The following RNF169 variants were observed in gnomAD, a reference collection of about 807,000 sequenced individuals.
The protein encoded by RNF169 is E3 ubiquitin-protein ligase RNF169.
In RNF169, 24 loss-of-function variants were observed where a neutral mutation model predicts 53.9. That is an observed-to-expected ratio of 0.45 (90% CI 0.32 to 0.63). RNF169 has a LOEUF of 0.63. RNF169 is among the 20% of genes least tolerant of loss of function. RNF169 has a pLI of 0.04. For synonymous variants in RNF169, 396 were observed against 363.5 expected, an observed-to-expected ratio of 1.09 and a Z score of -1.02; for missense variants, 883 against 906.2, an observed-to-expected ratio of 0.97 and a Z score of 0.33.
intron 2 of RNF169, among the ~76,000 whole-genome samples, chr11:74,794,075 C>T (rs796293592): frequency 6.6e-6 from 1 of 152,132 alleles, no homozygotes; most frequent in South Asian, 2.1e-4. Context: ...CCTCTAGCTA[C>T]TAGGGAGGCT....
At chr11:74,798,858 C>G (rs557773661) in intron 2 of RNF169, among the ~76,000 whole-genome samples, 2 of 152,072 alleles carry the variant, frequency 1.3e-5, no homozygotes, top group Non-Finnish European at 2.9e-5. Flanking sequence ...GGGACAGATT[C>G]CCTGATAGTA....
At chr11:74,771,052 C>T (rs1351981500) in intron 1 of RNF169, among the ~76,000 whole-genome samples, 2 of 152,144 alleles carry the variant, frequency 1.3e-5, no homozygotes, top group African/African-American at 2.4e-5. Flanking sequence ...GGTGATCCCC[C>T]CCGCCTCGAC....
intron 1 of RNF169, among the ~76,000 whole-genome samples, chr11:74,763,178 T>C (rs1372487921): frequency 6.6e-6 from 1 of 152,204 alleles, no homozygotes; most frequent in African/African-American, 2.4e-5. Context: ...GTTTATATTA[T>C]ATGGCTCAGA....
chr11:74,830,664 A>C (rs1045870445), intron 4 of RNF169: 2 of 152,200 alleles, frequency 1.3e-5, no homozygotes, highest in African/African-American at 4.8e-5. Context: ...TTAAAAGAAT[A>C]AATATTCTAT....
intron 1 of RNF169, 131 bp downstream of exon 1, chr11:74,749,513 G>C: frequency 2.6e-6 from 2 of 764,370 alleles, no homozygotes; most frequent in Non-Finnish European, 1.7e-6. Context: ...ATTAGAACCC[G>C]GGCTCTACCC....
At chr11:74,769,988 C>T (rs994768915) in intron 1 of RNF169, among the ~76,000 whole-genome samples, 1 of 152,194 alleles carries the variant, frequency 6.6e-6, no homozygotes, top group African/African-American at 2.4e-5. Context: ...TACAGGGTCT[C>T]ACCATGTTGC....
chr11:74,804,408 T>C (rs1045453362), intron 2 of RNF169, among the ~76,000 whole-genome samples: 12 of 152,362 alleles, frequency 7.9e-5, no homozygotes, highest in Admixed American at 5.9e-4. Context: ...CGATAAACTA[T>C]GCAGTACGAA....
chr11:74,824,748 G>T (rs2036068118), intron 4 of RNF169, among the ~76,000 whole-genome samples: 1 of 152,200 alleles, frequency 6.6e-6, no homozygotes, highest in African/African-American at 2.4e-5. Context: ...ATACAGGGTT[G>T]CCATGAATCT....
In RNF169 at chr11:74,818,668, A is replaced by C. The variant is rs573068901; in HGVS notation, c.842+954A>C. Among the ~76,000 whole-genome samples the C allele has an allele frequency of 2.0e-5, 3 of 152,314 alleles. No individual in the cohort carries two copies. The South Asian group carries it at 6.2e-4, about 32-fold the overall frequency. ...TTCAGCCTCCCAAAATGCTGGAATT[A>C]TAGGTGTGAGCCACTGTGTCTGGCC... On this transcript the variant is annotated intron_variant, in intron 4 of 5. Coordinates refer to ENST00000299563, the MANE Select transcript of RNF169 (RefSeq NM_001098638.2).
At chr11:74,771,549 A>G (rs1565173183) in intron 1 of RNF169, among the ~76,000 whole-genome samples, 1 of 151,570 alleles carries the variant, frequency 6.6e-6, no homozygotes, top group Non-Finnish European at 1.5e-5. Context: ...TACAAAAGTA[A>G]AAAAATTAGC....
chr11:74,819,182 A>C (rs925690353), intron 4 of RNF169, among the ~76,000 whole-genome samples: 5 of 152,132 alleles, frequency 3.3e-5, no homozygotes, highest in Non-Finnish European at 5.9e-5. Flanking sequence ...TCTTCAGTGA[A>C]TATTGCTGCT....
At chr11:74,797,477 C>G (rs1239392100) in intron 2 of RNF169, among the ~76,000 whole-genome samples, 1 of 152,036 alleles carries the variant, frequency 6.6e-6, no homozygotes, top group Non-Finnish European at 1.5e-5. Context: ...AAAGCTTTTT[C>G]TTATTCGATT....
intron 1 of RNF169, among the ~76,000 whole-genome samples, chr11:74,781,032 G>C (rs111370756): frequency 5.3e-4 from 80 of 152,314 alleles, no homozygotes; most frequent in Middle Eastern, 6.8e-3. Context: ...ATTGTTAACT[G>C]TGCGGGGTAA....
At chr11:74,768,090 C>T (rs1816314342) in intron 1 of RNF169, among the ~76,000 whole-genome samples, 1 of 152,138 alleles carries the variant, frequency 6.6e-6, no homozygotes, top group Admixed American at 6.6e-5. Flanking sequence ...AAATATCAAG[C>T]TGTTTAAAGC....
chr11:74,797,749 G>A (rs112888310), intron 2 of RNF169, among the ~76,000 whole-genome samples: 3 of 152,280 alleles, frequency 2.0e-5, no homozygotes, highest in African/African-American at 4.8e-5. Context: ...GGAGGCTGAG[G>A]TAGAAGGATC....
chr11:74,830,904 T>G (rs1195045089), intron 4 of RNF169: 1 of 152,002 alleles, frequency 6.6e-6, no homozygotes, highest in African/African-American at 2.4e-5. Flanking sequence ...TTTAGTAGAA[T>G]GAAGGGGAAA....
At chr11:74,806,622 AAAT>A (rs2035809128) in intron 2 of RNF169, among the ~76,000 whole-genome samples, 1 of 152,250 alleles carries the variant, frequency 6.6e-6, no homozygotes, top group African/African-American at 2.4e-5. Flanking sequence ...ACAAAACAAG[AAAT>A]AATAAACTAT....
intron 1 of RNF169, among the ~76,000 whole-genome samples, chr11:74,762,539 G>T (rs910511746): frequency 6.6e-6 from 1 of 152,306 alleles, no homozygotes; most frequent in East Asian, 1.9e-4. Context: ...ACCCTCAGCT[G>T]CAGGTCTCAG....
chr11:74,750,129 CTG>C (rs2034864049), intron 1 of RNF169, among the ~76,000 whole-genome samples: 1 of 152,118 alleles, frequency 6.6e-6, no homozygotes, highest in South Asian at 2.1e-4. Context: ...AATTAAAAGT[CTG>C]TTGTAGGACT....
Sources: gnomAD v4.1 joint callset for allele counts (sites outside exome capture counted in the v4.1 genomes callset) on GRCh38, gnomAD v4.1.1 for gene constraint, MANE v1.5 for transcripts, NCBI Gene and HGNC (gene_info 2026-07-23, HGNC 2026-07-21) for gene names.